The following CPA6 variants were observed in gnomAD, a reference collection of about 807,000 sequenced individuals.
The protein encoded by CPA6 is carboxypeptidase A6.
A neutral mutation model predicts 63.3 loss-of-function variants in CPA6; 58 were observed. The observed-to-expected ratio is 0.92, with a 90% CI of 0.74 to 1.14. The LOEUF (loss-of-function observed/expected upper bound fraction) is 1.14. Ranked by LOEUF, CPA6 falls within the 50% of genes most tolerant of loss-of-function variation. The pLI is 0.00. For synonymous variants in CPA6, 185 were observed against 179.0 expected, an observed-to-expected ratio of 1.03 and a Z score of -0.27; for missense variants, 565 against 526.6, an observed-to-expected ratio of 1.07 and a Z score of -0.71.
intron 1 of CPA6, among the ~76,000 whole-genome samples, chr8:67,683,765 A>G (rs532534972): frequency 6.6e-6 from 1 of 152,058 alleles, no homozygotes; most frequent in Admixed American, 6.5e-5. Context: ...TGACACTTCT[A>G]TATGTTTTTG....
chr8:67,589,761 G>T (rs1055815891), intron 2 of CPA6, among the ~76,000 whole-genome samples: 1 of 151,986 alleles, frequency 6.6e-6, no homozygotes, highest in African/African-American at 2.4e-5. Flanking sequence ...TCACTAGAAA[G>T]CTTCCCTATG....
chr8:67,658,770 AGGTCCT>A (rs1816045663), intron 1 of CPA6, among the ~76,000 whole-genome samples: 1 of 152,152 alleles, frequency 6.6e-6, no homozygotes, highest in Admixed American at 6.5e-5. Context: ...CCAGAAAGTG[AGGTCCT>A]GTCTTTGAAA....
At chr8:67,512,670 A>G (rs1812065381) in intron 3 of CPA6, among the ~76,000 whole-genome samples, 1 of 152,212 alleles carries the variant, frequency 6.6e-6, no homozygotes, top group South Asian at 2.1e-4. Flanking sequence ...TGCATTACTT[A>G]AAGATGTTAG....
intron 2 of CPA6, among the ~76,000 whole-genome samples, chr8:67,527,542 A>T (rs1469110974): frequency 1.3e-5 from 2 of 152,228 alleles, no homozygotes; most frequent in Non-Finnish European, 2.9e-5. Context: ...GAACTACCTG[A>T]TTCCCATGTA....
rs757403448 is a variant in CPA6 at position 67,511,589 on chromosome 8, TC to T, written c.383del (p.Arg128GlnfsTer15). ...CATAATTATATCCAGAGAGGGATCT[TC>T]GGTTTCTCTGGGTGTGCAAGCTGCT... ...KGSSLHTQRNRRSLSGYNYEV... is the reference protein window; with the variant it reads ...KGSSLHTQRNXRSLSGYNYEV... On this transcript the variant is annotated frameshift_variant, in exon 4 of 11. Coordinates refer to ENST00000297770, the MANE Select transcript of CPA6 (RefSeq NM_020361.5). 8.7e-6 allele frequency: 14 copies of T among 1,612,246 alleles called. No individual in the cohort carries two copies. The Admixed American group carries it at 2.3e-4, about 27-fold the overall frequency.
intron 2 of CPA6, among the ~76,000 whole-genome samples, chr8:67,599,879 C>A (rs747673059): frequency 5.3e-5 from 8 of 152,082 alleles, no homozygotes; most frequent in Non-Finnish European, 1.0e-4. Flanking sequence ...ATAGTCATTA[C>A]TAAATACAGT....
At chr8:67,489,954 G>C (rs747956996) in intron 6 of CPA6, among the ~76,000 whole-genome samples, 18 of 152,102 alleles carry the variant, frequency 1.2e-4, no homozygotes, top group South Asian at 2.1e-4. Context: ...TCCAAGACTT[G>C]TCAGAACGTG....
intron 1 of CPA6, among the ~76,000 whole-genome samples, chr8:67,710,368 T>C (rs1248311929): frequency 2.0e-5 from 3 of 151,894 alleles, no homozygotes; most frequent in Non-Finnish European, 4.4e-5. Flanking sequence ...GCTGCATTAA[T>C]GTAGATTCTC....
chr8:67,516,028 T>C (rs1316044401), intron 3 of CPA6, among the ~76,000 whole-genome samples: 2 of 152,174 alleles, frequency 1.3e-5, no homozygotes, highest in African/African-American at 4.8e-5. Flanking sequence ...GATGAATACT[T>C]GAACTATTAT....
At chr8:67,609,542 TG>T (rs1169234785) in intron 2 of CPA6, among the ~76,000 whole-genome samples, 5 of 152,226 alleles carry the variant, frequency 3.3e-5, no homozygotes, top group African/African-American at 1.2e-4. Flanking sequence ...CTTGTCCAAG[TG>T]GTCTCCTGAT....
intron 1 of CPA6, among the ~76,000 whole-genome samples, chr8:67,722,531 T>C (rs1314447348): frequency 6.6e-6 from 1 of 152,180 alleles, no homozygotes; most frequent in African/African-American, 2.4e-5. Context: ...ATGCTAAGTA[T>C]GAGCATCACA....
In CPA6 at chr8:67,607,087, CTCT is replaced by C. The variant is rs1323609317; in HGVS notation, c.192+17086_192+17088del. ...TCTCAAATCTGTCTTCTTCTTCTTCCTCTTCTTCTTCTTCTTCTTTCCTCCTCC... is the reference window on the plus strand; with the variant it reads ...TCTCAAATCTGTCTTCTTCTTCTTCCTCTTCTTCTTCTTCTTTCCTCCTCC... On this transcript the variant is annotated intron_variant, in intron 2 of 10. Transcript: ENST00000297770. 1.0e-3 allele frequency among the ~76,000 whole-genome samples: 148 copies of C among 146,232 alleles called. 1 individual carries two copies. The highest frequency in any genetic ancestry group is 8.7e-4 in the Non-Finnish European group (58 of 66,412).
intron 1 of CPA6, among the ~76,000 whole-genome samples, chr8:67,722,650 A>C (rs1817523555): frequency 6.6e-6 from 1 of 152,168 alleles, no homozygotes; most frequent in African/African-American, 2.4e-5. Context: ...AGAGCTTACA[A>C]ACTGTAGGGG....
chr8:67,545,657 C>G (rs1172194165), intron 2 of CPA6, among the ~76,000 whole-genome samples: 1 of 150,970 alleles, frequency 6.6e-6, no homozygotes, highest in Non-Finnish European at 1.5e-5. Flanking sequence ...ACTCCACCCC[C>G]TGGGTTCAAG....
At chr8:67,732,156 G>T (rs73254264) in intron 1 of CPA6, among the ~76,000 whole-genome samples, 4,968 of 152,224 alleles carry the variant, frequency 0.033, 119 homozygotes, top group African/African-American at 0.063. Context: ...AATAGTGCAA[G>T]TGATACCCAA....
chr8:67,728,792 T>C (rs1196487366), intron 1 of CPA6, among the ~76,000 whole-genome samples: 1 of 152,214 alleles, frequency 6.6e-6, no homozygotes, highest in Non-Finnish European at 1.5e-5. Flanking sequence ...CTTCCAATTA[T>C]CACATCACTA....
chr8:67,444,004 T>C (rs1810355525), intron 8 of CPA6, among the ~76,000 whole-genome samples: 1 of 151,828 alleles, frequency 6.6e-6, no homozygotes, highest in African/African-American at 2.4e-5. Context: ...TTTTTTTTTT[T>C]TTTCTGAGAC....
At chr8:67,513,845 G>A (rs530531968) in intron 3 of CPA6, among the ~76,000 whole-genome samples, 3 of 152,236 alleles carry the variant, frequency 2.0e-5, no homozygotes, top group Non-Finnish European at 4.4e-5. Context: ...TACCCCAGTT[G>A]TGTATATTCC....
chr8:67,605,675 G>C (rs921962491), intron 2 of CPA6, among the ~76,000 whole-genome samples: 3 of 152,010 alleles, frequency 2.0e-5, no homozygotes, highest in African/African-American at 7.2e-5. Flanking sequence ...GAAAGGGTCA[G>C]TTTTAGAGAT....
Sources: allele counts gnomAD v4.1 joint callset (sites outside exome capture counted in the v4.1 genomes callset), GRCh38; gene constraint gnomAD v4.1.1; transcripts MANE v1.5; gene names NCBI Gene and HGNC (gene_info 2026-07-23, HGNC 2026-07-21).